Variants in PIKFYVE observed in about 807,000 individuals in gnomAD.
PIKFYVE encodes phosphoinositide kinase, FYVE-type zinc finger containing.
PIKFYVE carries 122 observed loss-of-function variants against 257.9 expected under a neutral mutation model. That is an observed-to-expected ratio of 0.47 (90% CI 0.41 to 0.55). The LOEUF (loss-of-function observed/expected upper bound fraction) is 0.55, where lower values mean the gene tolerates loss of function less well. Ranked by LOEUF, PIKFYVE falls within the 20% of genes least tolerant of loss-of-function variation. The pLI is 0.00. For missense variants in PIKFYVE, 2,160 were observed against 2,536.6 expected, an observed-to-expected ratio of 0.85 and a Z score of 3.19; for synonymous variants, 892 against 868.9, an observed-to-expected ratio of 1.03 and a Z score of -0.47.
chr2:208,305,053 G>C (rs1293088033), intron 12 of PIKFYVE, 40 bp downstream of exon 12: 1 of 1,612,616 alleles, frequency 6.2e-7, no homozygotes, highest in African/African-American at 1.3e-5. Context: ...ACACAGGCTG[G>C]ACAGCTGGGC....
chr2:208,353,849 C>A (rs754890582), intron 39 of PIKFYVE, 49 bp from the exon 40 acceptor site: 1 of 1,605,846 alleles, frequency 6.2e-7, no homozygotes, highest in Non-Finnish European at 8.5e-7. Flanking sequence ...ATTAACTAAT[C>A]ATTTGTGGCA....
Position 208,335,387 on chromosome 2 carries a change from C to T in PIKFYVE, c.4224C>T (p.Ser1408=). 3.7e-6 allele frequency: 6 copies of T among 1,610,678 alleles called. No individual in the cohort carries two copies. The highest frequency in any genetic ancestry group is 5.1e-6 in the Non-Finnish European group (6 of 1,177,086). Residue 1408 remains serine (S), a synonymous_variant, in exon 25 of 42, where the codon TCC becomes TCT. Transcript: ENST00000264380. The part of the protein sequence containing the change: ...FIKRQAPLKV[S]LLQDLKDFFQ... Reference sequence around the variant, plus strand: ...AGCGTCAGGCCCCATTAAAAGTGTCCCTTCTTCAGGATCTGAAGGACTTCT... The same window carrying T: ...AGCGTCAGGCCCCATTAAAAGTGTCTCTTCTTCAGGATCTGAAGGACTTCT...
At chr2:208,280,243 T>C (rs1339815774) in intron 5 of PIKFYVE, among the ~76,000 whole-genome samples, 1 of 152,174 alleles carries the variant, frequency 6.6e-6, no homozygotes, top group Non-Finnish European at 1.5e-5. Context: ...TGTCTCATAG[T>C]TCTGGAGGCC....
intron 35 of PIKFYVE, among the ~76,000 whole-genome samples, chr2:208,348,392 C>T (rs1489807627): frequency 2.0e-5 from 3 of 152,132 alleles, no homozygotes; most frequent in African/African-American, 7.2e-5. Context: ...CAAATGTTTT[C>T]TTTCTTTTCA....
At chr2:208,274,619 CAG>C (rs1689869049) in intron 3 of PIKFYVE, among the ~76,000 whole-genome samples, 1 of 152,148 alleles carries the variant, frequency 6.6e-6, no homozygotes, top group Non-Finnish European at 1.5e-5. Context: ...AGGACTGGCA[CAG>C]AGCTGGCTGC....
At chr2:208,348,520 G>T (rs192891403) in intron 35 of PIKFYVE, among the ~76,000 whole-genome samples, 1 of 151,488 alleles carries the variant, frequency 6.6e-6, no homozygotes, top group African/African-American at 2.4e-5. Flanking sequence ...AGGCTGAGAC[G>T]GCAGGATCAC....
Position 208,339,476 on chromosome 2 carries a change from A to C in PIKFYVE, c.4731A>C (p.Gln1577His), listed in dbSNP as rs35066043. ...GCTCCACCAGTTCTACTCATCTCCA[A>C]TTGCCTACGCCACCTGAAGTCATGT... ...SQSSTSSTHL[Q>H]LPTPPEVMSE... The change falls in exon 30 of 42, where the codon CAA becomes CAC. Residue 1577 changes from glutamine (Q) to histidine (H), a missense_variant. Gln to His is a conservative substitution (Grantham distance 24, BLOSUM62 0). Coordinates refer to ENST00000264380, the MANE Select transcript of PIKFYVE (RefSeq NM_015040.4). 6.2e-7 allele frequency: 1 copy of C among 1,614,052 alleles called. No homozygotes were observed. The highest frequency in any genetic ancestry group is 1.1e-5 in the South Asian group (1 of 91,074).
At chr2:208,322,694 T>C (rs1036390472) in intron 17 of PIKFYVE, among the ~76,000 whole-genome samples, 1 of 151,284 alleles carries the variant, frequency 6.6e-6, no homozygotes, top group Non-Finnish European at 1.5e-5. Flanking sequence ...TTGATATATA[T>C]ATATATATTT....
intron 1 of PIKFYVE, among the ~76,000 whole-genome samples, chr2:208,269,173 T>C (rs1479090302): frequency 6.6e-6 from 1 of 152,198 alleles, no homozygotes; most frequent in Non-Finnish European, 1.5e-5. Context: ...GACTGTAATG[T>C]CCTCTTTGTA....
intron 5 of PIKFYVE, among the ~76,000 whole-genome samples, chr2:208,284,280 C>A (rs1309369768): frequency 2.0e-5 from 3 of 147,398 alleles, no homozygotes; most frequent in African/African-American, 7.5e-5. Context: ...TTTTTTTTCC[C>A]AGACAGTTTC....
intron 21 of PIKFYVE, 87 bp downstream of exon 21, chr2:208,328,367 G>A: frequency 1.3e-6 from 2 of 1,530,380 alleles, no homozygotes; most frequent in South Asian, 1.1e-5. Flanking sequence ...ACAGTCATTA[G>A]GACCTGTATT....
chr2:208,295,784 G>A (rs1234710500), intron 7 of PIKFYVE, among the ~76,000 whole-genome samples: 1 of 152,216 alleles, frequency 6.6e-6, no homozygotes, highest in African/African-American at 2.4e-5. Flanking sequence ...TAAGTAATAT[G>A]TGGGGGAGAT....
chr2:208,321,623 G>A (rs1359286426), intron 17 of PIKFYVE, among the ~76,000 whole-genome samples: 1 of 137,406 alleles, frequency 7.3e-6, no homozygotes, highest in African/African-American at 2.7e-5. Flanking sequence ...TGTCCCCCAG[G>A]CTGGAGCGCA....
chr2:208,354,198 A>C (rs1362334415), intron 40 of PIKFYVE, 39 bp downstream of exon 40: 1 of 1,596,326 alleles, frequency 6.3e-7, no homozygotes, highest in Non-Finnish European at 8.5e-7. Context: ...TCATGATTGA[A>C]GTCAGAGTCA....
chr2:208,351,413 A>G lies in PIKFYVE; in HGVS notation c.5673A>G (p.Ala1891=), dbSNP rs558705116. ...RLEVQSFLDF[A]PHYFNYITNA... ...AAGTCCAGTCCTTCCTCGACTTTGCACCACATTACTTCAATTATATTACAA... is the reference window on the plus strand; with the variant it reads ...AAGTCCAGTCCTTCCTCGACTTTGCGCCACATTACTTCAATTATATTACAA... The change falls in exon 38 of 42, where the codon GCA becomes GCG. Residue 1891 remains alanine, a synonymous_variant. Coordinates refer to ENST00000264380, the MANE Select transcript of PIKFYVE (RefSeq NM_015040.4). 6.9e-5 allele frequency: 112 copies of G among 1,613,542 alleles called. 2 individuals carry two copies. In the South Asian group the frequency reaches 1.1e-3, roughly 16 times the overall value.
chr2:208,305,284 A>G (rs1694189294), intron 12 of PIKFYVE: 2 of 1,314,288 alleles, frequency 1.5e-6, no homozygotes, highest in Admixed American at 3.2e-5. Flanking sequence ...TGCTCTTCCC[A>G]TAATGTGCAA....
intron 5 of PIKFYVE, among the ~76,000 whole-genome samples, chr2:208,281,976 A>G (rs1690875811): frequency 6.6e-6 from 1 of 152,214 alleles, no homozygotes; most frequent in Non-Finnish European, 1.5e-5. Context: ...GATAATTTAT[A>G]CAGTTCTTGA....
chr2:208,287,202 A>C (rs1428042547), intron 6 of PIKFYVE, among the ~76,000 whole-genome samples: 1 of 151,918 alleles, frequency 6.6e-6, no homozygotes, highest in Non-Finnish European at 1.5e-5. Context: ...GGTTTCACTG[A>C]GGGAAGGGAA....
At chr2:208,278,458 G>A (rs907705227) in intron 5 of PIKFYVE, among the ~76,000 whole-genome samples, 27 of 151,724 alleles carry the variant, frequency 1.8e-4, no homozygotes, top group African/African-American at 6.5e-4. Context: ...TTGTTACAGG[G>A]GTATATTTAG....
Sources: allele counts gnomAD v4.1 joint callset (sites outside exome capture counted in the v4.1 genomes callset), GRCh38; gene constraint gnomAD v4.1.1; transcripts MANE v1.5; gene names NCBI Gene and HGNC (gene_info 2026-07-23, HGNC 2026-07-21).